The following SNAP91 variants were observed in gnomAD, a reference collection of about 807,000 sequenced individuals.
SNAP91 encodes synaptosome associated protein 91.
SNAP91 carries 27 observed loss-of-function variants against 100.3 expected under a neutral mutation model. The ratio of observed to expected loss-of-function variants is 0.27; its 90% CI spans 0.20 to 0.37. The LOEUF (loss-of-function observed/expected upper bound fraction) is 0.37, where lower values mean the gene tolerates loss of function less well. Ranked by LOEUF, SNAP91 falls within the 10% of genes least tolerant of loss-of-function variation. SNAP91 has a pLI of 1.00. For synonymous variants in SNAP91, 404 were observed against 398.6 expected, an observed-to-expected ratio of 1.01 and a Z score of -0.16; for missense variants, 986 against 1,123.7, an observed-to-expected ratio of 0.88 and a Z score of 1.75.
At chr6:83,557,824 TATC>T (rs1475821672) in intron 28 of SNAP91, among the ~76,000 whole-genome samples, 1 of 152,022 alleles carries the variant, frequency 6.6e-6, no homozygotes, top group East Asian at 1.9e-4. Context: ...GAGATGACAA[TATC>T]ATGATACCAG....
rs148164689 is a variant in SNAP91, at chr6:83,565,904, T to C, written c.2443-4957A>G. 4.3e-3 allele frequency among the ~76,000 whole-genome samples: 654 copies of C among 152,282 alleles called. 6 individuals are homozygous for C. Among genetic ancestry groups the C allele is most frequent in the Middle Eastern group, 0.014 (4 of 294 alleles). On this transcript the variant is annotated intron_variant, in intron 26 of 29. Transcript: ENST00000369694. ...AGCTGCTATGGAAACGCTTGGCAGTTCCTCAAAAGTTAAACATCGACTTAC... is the reference window on the plus strand; with the variant it reads ...AGCTGCTATGGAAACGCTTGGCAGTCCCTCAAAAGTTAAACATCGACTTAC...
intron 2 of SNAP91, chr6:83,686,283 C>T (rs1393820695): frequency 7.0e-6 from 5 of 718,050 alleles, no homozygotes; most frequent in East Asian, 1.3e-4. Flanking sequence ...CTCAGTTAAG[C>T]ACTATTTTGG....
chr6:83,593,440 T>C (rs2094069654), intron 18 of SNAP91, 38 bp downstream of exon 18: 1 of 1,544,848 alleles, frequency 6.5e-7, no homozygotes, highest in African/African-American at 1.4e-5. Context: ...TTCAATCCAC[T>C]AGACGGAAAG....
In SNAP91 at chr6:83,594,486, G is replaced by A. The variant is rs2094225919; in HGVS notation, c.1325-5C>T. 1 of 1,480,378 alleles carries A rather than the reference G, an allele frequency of 6.8e-7. No homozygotes were observed. Among genetic ancestry groups the A allele is most frequent in the South Asian group, 1.3e-5 (1 of 75,284 alleles). The allele number at this position is 1,480,378 out of a possible 1,614,324, so 91.7% of individuals were successfully genotyped here. A position where few individuals can be genotyped will look rare whatever the true frequency, so the allele number is the denominator to read the frequency against. On this transcript the variant is annotated splice_polypyrimidine_tract_variant and splice_region_variant and intron_variant, in intron 16 of 29. Transcript: ENST00000369694. ...CAGGAGAAGCTGCAAAGGCATCTTG[G>A]GTGCGGTTTTTAAAACAGCAGAAAT...
At chr6:83,575,266 C>A in intron 25 of SNAP91, 145 bp from the exon 26 acceptor site, 2 of 628,276 alleles carry the variant, frequency 3.2e-6, no homozygotes, top group South Asian at 1.9e-5. Flanking sequence ...GCAGTTAAAA[C>A]TTACAGAGGA....
chr6:83,573,554 C>T (rs1409451136), intron 26 of SNAP91, among the ~76,000 whole-genome samples: 3 of 152,122 alleles, frequency 2.0e-5, no homozygotes, highest in Non-Finnish European at 4.4e-5. Context: ...TCAAACTATA[C>T]TACAAGGCTA....
At chr6:83,698,178 A>C (rs2099245648) in intron 2 of SNAP91, among the ~76,000 whole-genome samples, 1 of 152,080 alleles carries the variant, frequency 6.6e-6, no homozygotes, top group Non-Finnish European at 1.5e-5. Flanking sequence ...TGTAGGCAAA[A>C]ACAAAGAATA....
chr6:83,565,560 T>G (rs987939915), intron 26 of SNAP91, among the ~76,000 whole-genome samples: 6 of 152,194 alleles, frequency 3.9e-5, no homozygotes, highest in African/African-American at 1.4e-4. Flanking sequence ...GTTTTATTAT[T>G]TTTAATTTGT....
intron 2 of SNAP91, among the ~76,000 whole-genome samples, chr6:83,673,135 A>C (rs1483884150): frequency 3.3e-5 from 5 of 152,146 alleles, no homozygotes; most frequent in African/African-American, 1.2e-4. Flanking sequence ...AAGATTATTC[A>C]TTGTAATTCT....
chr6:83,595,357 A>G (rs564915894), intron 16 of SNAP91, among the ~76,000 whole-genome samples: 1 of 152,338 alleles, frequency 6.6e-6, no homozygotes, highest in African/African-American at 2.4e-5. Context: ...ATATTTTCAC[A>G]TTTTAAGACT....
At chr6:83,588,206 A>C (rs986307706) in intron 22 of SNAP91, among the ~76,000 whole-genome samples, 10 of 152,198 alleles carry the variant, frequency 6.6e-5, no homozygotes, top group Non-Finnish European at 1.5e-5. Context: ...GTATACATTA[A>C]ATTACAAGAA....
At chr6:83,691,255 A>G (rs1320450243) in intron 2 of SNAP91, among the ~76,000 whole-genome samples, 1 of 152,148 alleles carries the variant, frequency 6.6e-6, no homozygotes, top group African/African-American at 2.4e-5. Flanking sequence ...GTTAGCTATA[A>G]GGACTAAACT....
chr6:83,592,686 G>A (rs1582825440), intron 20 of SNAP91, 148 bp from the exon 21 acceptor site: 1 of 715,984 alleles, frequency 1.4e-6, no homozygotes, highest in Non-Finnish European at 2.3e-6. Flanking sequence ...AAGCAAACGG[G>A]TTTTAAAATA....
chr6:83,660,445 G>A lies in SNAP91; in HGVS notation c.452+1057C>T, dbSNP rs73751572. Among the ~76,000 whole-genome samples, 475 of 152,288 alleles carry A rather than the reference G, an allele frequency of 3.1e-3. 3 individuals carry two copies. The highest frequency in any genetic ancestry group is 0.01 in the African/African-American group (427 of 41,560). On this transcript the variant is annotated intron_variant, in intron 5 of 29. Transcript: ENST00000369694. ...CAAAAATAAAGTTACATCTTTTTGT[G>A]TGGATTCTTGAGACTAAAATATTAA...
chr6:83,651,396 T>C (rs1332000545), intron 7 of SNAP91, among the ~76,000 whole-genome samples: 3 of 152,192 alleles, frequency 2.0e-5, no homozygotes, highest in Admixed American at 1.3e-4. Context: ...CAAATTTCCG[T>C]ATAAGCACTG....
chr6:83,656,253 C>A (rs1463341862), intron 7 of SNAP91, among the ~76,000 whole-genome samples: 6 of 152,028 alleles, frequency 3.9e-5, no homozygotes, highest in Admixed American at 6.6e-5. Context: ...GAATAAAAAC[C>A]AAAGGGCATA....
rs2097683093 is a variant in SNAP91, at chr6:83,641,125, G to A, written c.736C>T (p.Arg246Ter). ...GCAACCTTGAGAAATTCAGACACTC[G>A]TGTCATTCTAGTTAGAAATCGTTTG... is the stretch of plus-strand genomic sequence containing the variant. ...IYKRFLTRMTRVSEFLKVAEQ... is the reference protein window; with the variant it reads ...IYKRFLTRMT The change falls in exon 8 of 30, where the codon CGA becomes TGA. Residue 246 changes from arginine to a stop codon, truncating the protein, a stop_gained. Coordinates refer to ENST00000369694, the MANE Select transcript of SNAP91 (RefSeq NM_001242792.2). LOFTEE classifies it high-confidence loss of function. 1.3e-6 allele frequency: 2 copies of A among 1,542,226 alleles called. No homozygotes were observed. The highest frequency in any genetic ancestry group is 1.7e-6 in the Non-Finnish European group (2 of 1,146,634).
intron 28 of SNAP91, 133 bp from the exon 29 acceptor site, chr6:83,556,378 A>T (rs1373362106): frequency 2.0e-6 from 1 of 512,408 alleles, no homozygotes; most frequent in African/African-American, 2.0e-5. Context: ...AGAGAGAGAG[A>T]GAGAGAGAGA....
intron 22 of SNAP91, among the ~76,000 whole-genome samples, chr6:83,585,492 G>A (rs2092319539): frequency 6.6e-6 from 1 of 150,448 alleles, no homozygotes; most frequent in Non-Finnish European, 1.5e-5. Context: ...TCACACCAAT[G>A]CCCTCCAGCC....
Sources: allele counts gnomAD v4.1 joint callset (sites outside exome capture counted in the v4.1 genomes callset), GRCh38; gene constraint gnomAD v4.1.1; transcripts MANE v1.5; gene names NCBI Gene and HGNC (gene_info 2026-07-23, HGNC 2026-07-21).